RORA: variants seen among roughly 807,000 people sequenced by gnomAD.
RORA encodes RAR related orphan receptor A, also known as nuclear receptor ROR-alpha.
In RORA, 7 loss-of-function variants were observed where a neutral mutation model predicts 69.5. The observed-to-expected ratio is 0.10, with a 90% CI of 0.06 to 0.19. The LOEUF (loss-of-function observed/expected upper bound fraction) is 0.19, where lower values mean the gene tolerates loss of function less well. Ranked by LOEUF, RORA falls within the 10% of genes least tolerant of loss-of-function variation. The pLI is 1.00. For missense variants in RORA, 457 were observed against 663.0 expected (o/e 0.69, Z 3.41); for synonymous variants, 261 against 240.8 (o/e 1.08, Z -0.78).
At chr15:60,996,571 G>A (rs530903667) in intron 1 of RORA, among the ~76,000 whole-genome samples, 14 of 152,106 alleles carry the variant, frequency 9.2e-5, no homozygotes, top group Non-Finnish European at 1.8e-4. Context: ...AATGCACAGG[G>A]AATACATACA....
intron 1 of RORA, among the ~76,000 whole-genome samples, chr15:60,968,667 C>CTTTTTT (rs5813056): frequency 6.9e-6 from 1 of 145,642 alleles, no homozygotes. Flanking sequence ...CAACATAAAT[C>CTTTTTT]TTTTTTTTTT....
At chr15:60,908,079 C>G (rs112783299) in intron 1 of RORA, among the ~76,000 whole-genome samples, 2 of 152,330 alleles carry the variant, frequency 1.3e-5, no homozygotes, top group African/African-American at 4.8e-5. Flanking sequence ...GTGTCTGGGG[C>G]TCCTGAGTTT....
At chr15:60,899,260 T>C (rs1246173831) in intron 1 of RORA, among the ~76,000 whole-genome samples, 1 of 152,140 alleles carries the variant, frequency 6.6e-6, no homozygotes, top group Admixed American at 6.5e-5. Flanking sequence ...TCAAACACCC[T>C]CAATATGAAG....
At chr15:61,002,490 G>A (rs1016911935) in intron 1 of RORA, among the ~76,000 whole-genome samples, 7 of 152,074 alleles carry the variant, frequency 4.6e-5, no homozygotes, top group South Asian at 2.1e-4. Context: ...TAATTTAATC[G>A]TGGGCTTTGG....
At chr15:60,937,026 T>C (rs1466271845) in intron 1 of RORA, among the ~76,000 whole-genome samples, 2 of 152,210 alleles carry the variant, frequency 1.3e-5, no homozygotes, top group Non-Finnish European at 2.9e-5. Flanking sequence ...ATTTACTTAA[T>C]GTGTGCTAGG....
chr15:61,188,567 G>C (rs2079766749), intron 1 of RORA, among the ~76,000 whole-genome samples: 1 of 152,008 alleles, frequency 6.6e-6, no homozygotes, highest in Non-Finnish European at 1.5e-5. Context: ...GAACCATATG[G>C]GCCACCTGTT....
intron 1 of RORA, among the ~76,000 whole-genome samples, chr15:60,970,075 G>T (rs181001585): frequency 6.6e-6 from 1 of 152,136 alleles, no homozygotes; most frequent in African/African-American, 2.4e-5. Context: ...ACAGCCAGAC[G>T]GCAGCCGCCT....
chr15:61,051,192 C>T (rs146453710), intron 1 of RORA, among the ~76,000 whole-genome samples: 7 of 152,280 alleles, frequency 4.6e-5, no homozygotes, highest in African/African-American at 1.2e-4. Context: ...GGGAGTGAGG[C>T]ACTCAGGGTA....
intron 1 of RORA, among the ~76,000 whole-genome samples, chr15:60,914,762 C>T (rs1891822205): frequency 1.3e-5 from 2 of 152,112 alleles, no homozygotes; most frequent in African/African-American, 4.8e-5. Context: ...TTGGGAGTTC[C>T]ATCATTTAGG....
chr15:60,978,292 A>C (rs549717704), intron 1 of RORA, among the ~76,000 whole-genome samples: 42 of 152,294 alleles, frequency 2.8e-4, no homozygotes, highest in African/African-American at 9.4e-4. Context: ...ATCTTTTTGC[A>C]GTGGCTTTTT....
At chr15:61,078,808 T>C (rs201558274) in intron 1 of RORA, among the ~76,000 whole-genome samples, 6 of 151,904 alleles carry the variant, frequency 3.9e-5, no homozygotes, top group Middle Eastern at 6.8e-3. Context: ...CCCACCCACC[T>C]ACCTACCTAC....
chr15:60,954,893 C>T (rs1893221517), intron 1 of RORA, among the ~76,000 whole-genome samples: 1 of 152,156 alleles, frequency 6.6e-6, no homozygotes, highest in African/African-American at 2.4e-5. Flanking sequence ...TTGCAGTCAT[C>T]CAGTAATGAC....
chr15:61,208,425 G>A (rs952068331), intron 1 of RORA, among the ~76,000 whole-genome samples: 3 of 152,202 alleles, frequency 2.0e-5, no homozygotes, highest in African/African-American at 4.8e-5. Context: ...AACAGCAAAC[G>A]GGCATGTGGA....
chr15:61,215,152 G>C (rs1266979875), intron 1 of RORA, among the ~76,000 whole-genome samples: 1 of 150,674 alleles, frequency 6.6e-6, no homozygotes, highest in Non-Finnish European at 1.5e-5. Context: ...CAAAGTGCTG[G>C]GATTACAGGT....
At chr15:60,693,394 C>A (rs1161885236) in intron 1 of RORA, among the ~76,000 whole-genome samples, 3 of 152,156 alleles carry the variant, frequency 2.0e-5, no homozygotes, top group Non-Finnish European at 4.4e-5. Context: ...TGGCACAAGA[C>A]AAGGATGCCC....
chr15:60,543,170 CTTTTTTTTTTTTTTTTTTTTTTTTTTTT>C (rs200401959), intron 2 of RORA, among the ~76,000 whole-genome samples: 17 of 125,412 alleles, frequency 1.4e-4, no homozygotes, highest in African/African-American at 6.8e-4. Context: ...AAAGTGAAAA[CTTTTTTTTTTTTTTTTTTTTTTTTTTTT>C]TTTTTTTTTT....
chr15:61,008,203 C>G (rs5813058), intron 1 of RORA, among the ~76,000 whole-genome samples: 2,485 of 135,074 alleles, frequency 0.018, 26 homozygotes, highest in Middle Eastern at 0.037. Context: ...CTCTCTCTCT[C>G]TGTGTGTGTG....
chr15:61,031,360 G>C (rs568301643), intron 1 of RORA, among the ~76,000 whole-genome samples: 5 of 152,246 alleles, frequency 3.3e-5, no homozygotes, highest in Admixed American at 1.3e-4. Flanking sequence ...TATGCCTCCA[G>C]TTTATTTATT....
At chr15:60,985,450 G>T (rs1894169921) in intron 1 of RORA, among the ~76,000 whole-genome samples, 1 of 151,968 alleles carries the variant, frequency 6.6e-6, no homozygotes, top group South Asian at 2.1e-4. Flanking sequence ...AATCCAAATT[G>T]AGAAAAATGA....
Sources: gnomAD v4.1 joint callset for allele counts (sites outside exome capture counted in the v4.1 genomes callset) on GRCh38, gnomAD v4.1.1 for gene constraint, MANE v1.5 for transcripts, NCBI Gene and HGNC (gene_info 2026-07-23, HGNC 2026-07-21) for gene names.